Variants in ZC3H6 observed in about 807,000 individuals in gnomAD.
ZC3H6 encodes the protein zinc finger CCCH-type containing 6.
ZC3H6 carries 40 observed loss-of-function variants against 107.7 expected under a neutral mutation model. The observed-to-expected ratio is 0.37, with a 90% CI of 0.29 to 0.48. ZC3H6 has a LOEUF of 0.48. ZC3H6 is among the 20% of genes least tolerant of loss of function. The pLI is 0.98. For synonymous variants in ZC3H6, 493 were observed against 487.9 expected, an observed-to-expected ratio of 1.01 and a Z score of -0.14; for missense variants, 1,267 against 1,410.4, an observed-to-expected ratio of 0.90 and a Z score of 1.63.
At chr2:112,314,593 T>C (rs951178171) in intron 5 of ZC3H6, among the ~76,000 whole-genome samples, 1 of 152,156 alleles carries the variant, frequency 6.6e-6, no homozygotes, top group Non-Finnish European at 1.5e-5. Flanking sequence ...TACCTAATTT[T>C]TTTACTTTTT....
intron 11 of ZC3H6, among the ~76,000 whole-genome samples, chr2:112,325,625 T>C (rs954128773): frequency 1.3e-5 from 2 of 152,074 alleles, no homozygotes; most frequent in African/African-American, 4.8e-5. Context: ...GAAGCTAGAG[T>C]TCAAGGTTGT....
At chr2:112,307,869 A>G (rs978968369) in intron 3 of ZC3H6, among the ~76,000 whole-genome samples, 1 of 152,250 alleles carries the variant, frequency 6.6e-6, no homozygotes, top group South Asian at 2.1e-4. Flanking sequence ...TGATAAAGCT[A>G]TGCCAATCAG....
intron 7 of ZC3H6, among the ~76,000 whole-genome samples, chr2:112,320,193 A>G (rs1327767428): frequency 2.0e-5 from 3 of 152,236 alleles, no homozygotes; most frequent in Non-Finnish European, 2.9e-5. Context: ...TCGGCCTCCC[A>G]AAGTGCTGGG....
intron 1 of ZC3H6, among the ~76,000 whole-genome samples, chr2:112,285,626 G>A (rs1343333851): frequency 6.6e-6 from 1 of 151,866 alleles, no homozygotes; most frequent in Non-Finnish European, 1.5e-5. Flanking sequence ...CCAAAGTGCT[G>A]GAATTACAGG....
At chr2:112,318,815 GT>G (rs1397811610) in intron 7 of ZC3H6, among the ~76,000 whole-genome samples, 2 of 152,132 alleles carry the variant, frequency 1.3e-5, no homozygotes, top group Admixed American at 1.3e-4. Context: ...GAGGTGAAAA[GT>G]TAATTAGGAA....
At chr2:112,293,777 TTATC>T (rs1314332508) in intron 1 of ZC3H6, among the ~76,000 whole-genome samples, 1 of 152,194 alleles carries the variant, frequency 6.6e-6, no homozygotes, top group Non-Finnish European at 1.5e-5. Context: ...TCAAATCAAG[TTATC>T]TATCAAGCAA....
chr2:112,302,991 G>A (rs1676410192), intron 2 of ZC3H6, among the ~76,000 whole-genome samples: 1 of 151,984 alleles, frequency 6.6e-6, no homozygotes. Flanking sequence ...TCAAAGGGAT[G>A]ATGAGGAAAA....
At position 112,332,633 on chromosome 2, in the gene ZC3H6, G is replaced by A. The variant is rs901419293; in HGVS notation, c.*145G>A. On this transcript the variant is annotated 3_prime_UTR_variant, in exon 12 of 12. Coordinates refer to ENST00000409871, the MANE Select transcript of ZC3H6 (RefSeq NM_198581.3). Reference sequence around the variant, plus strand: ...AGTATCAGAACCACATGAAGTTATAGCCTCTAAAGCCTGTGGTATTTTATA... The same window carrying A: ...AGTATCAGAACCACATGAAGTTATAACCTCTAAAGCCTGTGGTATTTTATA... The A allele has an allele frequency of 4.5e-6, 3 of 661,904 alleles. No homozygotes were observed. In the South Asian group the frequency reaches 9.1e-5, roughly 20 times the overall value. The allele number at this position is 661,904 out of a possible 1,614,324, so 41.0% of individuals were successfully genotyped here.
intron 11 of ZC3H6, among the ~76,000 whole-genome samples, chr2:112,328,156 T>G (rs1676947605): frequency 6.6e-6 from 1 of 152,182 alleles, no homozygotes; most frequent in South Asian, 2.1e-4. Flanking sequence ...CCTCCCAAAG[T>G]GCTGGGATTA....
chr2:112,285,471 C>T (rs1479976341), intron 1 of ZC3H6, among the ~76,000 whole-genome samples: 1 of 151,976 alleles, frequency 6.6e-6, no homozygotes, highest in East Asian at 1.9e-4. Context: ...ATTCCCCTCC[C>T]TTAGCCTCCT....
chr2:112,308,572 A>G (rs1428227060), intron 3 of ZC3H6, among the ~76,000 whole-genome samples: 5 of 150,362 alleles, frequency 3.3e-5, no homozygotes, highest in Non-Finnish European at 5.9e-5. Context: ...CTGAGACTAC[A>G]GGTGTATGCT....
At chr2:112,277,243 G>T (rs7557281) in intron 1 of ZC3H6, among the ~76,000 whole-genome samples, 77,522 of 151,994 alleles carry the variant, frequency 0.51, 21,957 homozygotes, top group East Asian at 0.77. Context: ...TTTTAAAAAT[G>T]ATAAGCTTGC....
chr2:112,278,558 A>T (rs1435050882), intron 1 of ZC3H6, among the ~76,000 whole-genome samples: 1 of 152,180 alleles, frequency 6.6e-6, no homozygotes, highest in Non-Finnish European at 1.5e-5. Flanking sequence ...ACCTCAAGTG[A>T]TCCACCAGCC....
chr2:112,278,658 T>C (rs576854767), intron 1 of ZC3H6, among the ~76,000 whole-genome samples: 2 of 152,336 alleles, frequency 1.3e-5, no homozygotes, highest in Admixed American at 6.5e-5. Context: ...AATTAAGGCA[T>C]ATTGTGTATG....
rs767179907 is a variant in ZC3H6, at chr2:112,331,824, T to G, written c.2906T>G (p.Phe969Cys). Residue 969 changes from phenylalanine (F) to cysteine (C), a missense_variant, in exon 12 of 12, where the codon TTT becomes TGT. Phe to Cys is a radical substitution (Grantham distance 205, BLOSUM62 -2). Around this residue, in one of 3 missense-constraint regions of ZC3H6, gnomAD observed 925 missense variants for 1,025.7 expected, o/e 0.90. Coordinates refer to ENST00000409871, the MANE Select transcript of ZC3H6 (RefSeq NM_198581.3). ...KLGDPRLQKN[F>C]DPRLHRLPNT... Reference sequence around the variant, plus strand: ...GGAGATCCTAGACTACAAAAAAATTTTGATCCTAGGCTTCACAGACTGCCC... The same window carrying G: ...GGAGATCCTAGACTACAAAAAAATTGTGATCCTAGGCTTCACAGACTGCCC... The G allele has an allele frequency of 5.0e-6, 8 of 1,613,750 alleles. No homozygotes were observed. The highest frequency in any genetic ancestry group is 6.8e-6 in the Non-Finnish European group (8 of 1,179,856).
intron 1 of ZC3H6, among the ~76,000 whole-genome samples, chr2:112,294,796 C>T (rs1346253964): frequency 6.6e-6 from 1 of 152,180 alleles, no homozygotes; most frequent in Non-Finnish European, 1.5e-5. Context: ...AGAATAAGAA[C>T]ATCATGGGTG....
At chr2:112,300,158 A>C (rs1039361893) in intron 2 of ZC3H6, 129 bp downstream of exon 2, 1 of 589,856 alleles carries the variant, frequency 1.7e-6, no homozygotes, top group African/African-American at 1.9e-5. Flanking sequence ...TATGTGATTA[A>C]ACTTTCTAAA....
intron 1 of ZC3H6, among the ~76,000 whole-genome samples, chr2:112,278,767 A>G (rs1020720521): frequency 1.4e-4 from 22 of 152,240 alleles, no homozygotes; most frequent in Non-Finnish European, 2.9e-4. Flanking sequence ...CTAAATGTAA[A>G]TGGAATTCAC....
chr2:112,290,778 G>A (rs1676098251), intron 1 of ZC3H6, among the ~76,000 whole-genome samples: 1 of 152,096 alleles, frequency 6.6e-6, no homozygotes. Flanking sequence ...TTGTGTACTT[G>A]CACAGTAGTA....
Sources: gnomAD v4.1 joint callset for allele counts (sites outside exome capture counted in the v4.1 genomes callset) on GRCh38, gnomAD v4.1.1 for gene constraint, gnomAD v4.1.1 regional missense constraint, MANE v1.5 for transcripts, NCBI Gene and HGNC (gene_info 2026-07-23, HGNC 2026-07-21) for gene names.